The following OLA1 variants were observed in gnomAD, a reference collection of about 807,000 sequenced individuals.
OLA1 encodes Obg like ATPase 1.
OLA1 carries 14 observed loss-of-function variants against 48.4 expected under a neutral mutation model. The ratio of observed to expected loss-of-function variants is 0.29; its 90% CI spans 0.19 to 0.45. The LOEUF (loss-of-function observed/expected upper bound fraction) is 0.45, where lower values mean the gene tolerates loss of function less well. Ranked by LOEUF, OLA1 falls within the 20% of genes least tolerant of loss-of-function variation. The probability of loss-of-function intolerance (pLI) is 1.00; values close to 1 mark genes in which losing one functional copy is unlikely to be tolerated. For synonymous variants in OLA1, 127 were observed against 150.4 expected (o/e 0.84, Z 1.14); for missense variants, 325 against 467.1 (o/e 0.70, Z 2.80).
intron 4 of OLA1, among the ~76,000 whole-genome samples, chr2:174,189,881 AACACAC>A (rs1380034694): frequency 6.8e-6 from 1 of 147,002 alleles, no homozygotes; most frequent in African/African-American, 2.6e-5. Context: ...AAAAAAACAA[AACACAC>A]ACACACACAA....
rs992903369 is a variant in OLA1 at position 174,099,986 on chromosome 2, A to G, written c.729-17922T>C. Among the ~76,000 whole-genome samples, 14 of 152,260 alleles carry G rather than the reference A, an allele frequency of 9.2e-5. 1 individual carries two copies. The highest frequency in any genetic ancestry group is 3.4e-4 in the African/African-American group (14 of 41,470). On this transcript the variant is annotated intron_variant, in intron 7 of 10. Transcript: ENST00000284719. ...CACTATTTGTCTATCAAATTGGTAC[A>G]GATTAAAACAATAATAACAACCCAG...
At chr2:174,139,864 C>CAAAAAAAAAAAAAAA in intron 5 of OLA1, among the ~76,000 whole-genome samples, 1 of 76,962 alleles carries the variant, frequency 1.3e-5, no homozygotes, top group Non-Finnish European at 2.6e-5. Flanking sequence ...GACTCAGTCT[C>CAAAAAAAAAAAAAAA]AAAAAAAAAA....
chr2:174,147,195 G>C (rs908922284), intron 4 of OLA1, among the ~76,000 whole-genome samples: 1 of 152,140 alleles, frequency 6.6e-6, no homozygotes, highest in Non-Finnish European at 1.5e-5. Context: ...GGGAGGCCGA[G>C]GTGGGCGGAT....
At chr2:174,144,871 C>T (rs953187319) in intron 4 of OLA1, among the ~76,000 whole-genome samples, 6 of 140,438 alleles carry the variant, frequency 4.3e-5, no homozygotes, top group African/African-American at 8.1e-5. Context: ...TGCTTGAACC[C>T]GGGAGGTTGA....
At position 174,223,017 on chromosome 2, in the gene OLA1, A is replaced by G; in HGVS notation, c.373+16T>C. ...ATCTGAATGAAATCAATGATTAAATAAACAACTGTACTTACGTGTTAGATG... is the reference window on the plus strand; with the variant it reads ...ATCTGAATGAAATCAATGATTAAATGAACAACTGTACTTACGTGTTAGATG... On this transcript the variant is annotated intron_variant, in intron 4 of 10. Transcript: ENST00000284719. 1 of 1,589,648 alleles carries G rather than the reference A, an allele frequency of 6.3e-7. No individual in the cohort carries two copies. Among genetic ancestry groups the G allele is most frequent in the South Asian group, 1.1e-5 (1 of 87,558 alleles).
intron 7 of OLA1, among the ~76,000 whole-genome samples, chr2:174,099,420 C>T (rs2105351507): frequency 6.6e-6 from 1 of 152,286 alleles, no homozygotes; most frequent in African/African-American, 2.4e-5. Flanking sequence ...TCCTGAAGTG[C>T]TGGGGTTACA....
At chr2:174,239,594 T>C (rs544751031) in intron 2 of OLA1, among the ~76,000 whole-genome samples, 2 of 151,370 alleles carry the variant, frequency 1.3e-5, no homozygotes, top group African/African-American at 4.8e-5. Context: ...AACACTTAAA[T>C]GCAGCTGGGC....
chr2:174,120,496 T>A (rs961625122), intron 7 of OLA1, among the ~76,000 whole-genome samples: 3 of 152,192 alleles, frequency 2.0e-5, no homozygotes, highest in African/African-American at 7.2e-5. Context: ...ACATCTTGAT[T>A]ACTGTCATTT....
chr2:174,212,019 T>G (rs1401939477), intron 4 of OLA1, among the ~76,000 whole-genome samples: 2 of 152,196 alleles, frequency 1.3e-5, no homozygotes, highest in African/African-American at 4.8e-5. Context: ...GTGCTGTTTT[T>G]AGAGTCAGAC....
intron 7 of OLA1, among the ~76,000 whole-genome samples, chr2:174,117,366 TATA>T (rs773391762): frequency 6.6e-6 from 1 of 152,194 alleles, no homozygotes; most frequent in African/African-American, 2.4e-5. Flanking sequence ...AAGAGCTACT[TATA>T]GTAGCAAATA....
At chr2:174,093,093 C>G (rs1350480380) in intron 7 of OLA1, among the ~76,000 whole-genome samples, 1 of 152,182 alleles carries the variant, frequency 6.6e-6, no homozygotes, top group Non-Finnish European at 1.5e-5. Context: ...ATTTTTGAAA[C>G]TTTAAAGCAG....
At chr2:174,134,258 AT>A (rs929632184) in intron 5 of OLA1, among the ~76,000 whole-genome samples, 2 of 151,840 alleles carry the variant, frequency 1.3e-5, no homozygotes, top group Admixed American at 1.3e-4. Context: ...TGTCAAACTC[AT>A]TTTTTTTCTT....
In OLA1 at chr2:174,164,362, T is replaced by TAGTGCAGAATGGATACCATTCTGCAC. The variant is rs542417679; in HGVS notation, c.374-22363_374-22362insGTGCAGAATGGTATCCATTCTGCACT. On this transcript the variant is annotated intron_variant, in intron 4 of 10. Transcript: ENST00000284719. ...TGGCACTACGCAATACCATTCTGCA[T>TAGTGCAGAATGGATACCATTCTGCAC]AGTGCAGAATGGATACCATTCTGTT... 9.0e-3 allele frequency among the ~76,000 whole-genome samples: 1,373 copies of TAGTGCAGAATGGATACCATTCTGCAC among 151,908 alleles called. 74 individuals are homozygous for TAGTGCAGAATGGATACCATTCTGCAC. Among genetic ancestry groups the TAGTGCAGAATGGATACCATTCTGCAC allele is most frequent in the African/African-American group, 0.032 (1,300 of 41,218 alleles).
At chr2:174,161,091 T>C (rs1687000801) in intron 4 of OLA1, among the ~76,000 whole-genome samples, 1 of 152,190 alleles carries the variant, frequency 6.6e-6, no homozygotes, top group South Asian at 2.1e-4. Context: ...TTTTAAATAG[T>C]GCAGTTCATT....
chr2:174,078,713 A>G (rs1397577910), intron 10 of OLA1, among the ~76,000 whole-genome samples: 1 of 151,850 alleles, frequency 6.6e-6, no homozygotes, highest in African/African-American at 2.4e-5. Context: ...ACTTAAACCT[A>G]ATTTATTTTA....
intron 4 of OLA1, among the ~76,000 whole-genome samples, chr2:174,191,508 G>C (rs1687777363): frequency 6.6e-6 from 1 of 151,854 alleles, no homozygotes; most frequent in African/African-American, 2.4e-5. Context: ...AGGCTGGAGT[G>C]CAGAGGTGAA....
chr2:174,099,136 G>T (rs1444528065), intron 7 of OLA1, among the ~76,000 whole-genome samples: 2 of 151,894 alleles, frequency 1.3e-5, no homozygotes, highest in Non-Finnish European at 2.9e-5. Flanking sequence ...AAGCGTATTT[G>T]AGTTTGACTT....
chr2:174,077,650 G>T (rs954374990), intron 10 of OLA1, among the ~76,000 whole-genome samples: 2 of 151,886 alleles, frequency 1.3e-5, no homozygotes, highest in Admixed American at 6.6e-5. Flanking sequence ...ATATTATAAA[G>T]TTTCTCTCAA....
At chr2:174,161,104 T>G (rs1687001184) in intron 4 of OLA1, among the ~76,000 whole-genome samples, 1 of 152,202 alleles carries the variant, frequency 6.6e-6, no homozygotes, top group Non-Finnish European at 1.5e-5. Flanking sequence ...AGTTCATTTT[T>G]TAAATAAGAT....
Sources: gnomAD v4.1 joint callset for allele counts (sites outside exome capture counted in the v4.1 genomes callset) on GRCh38, gnomAD v4.1.1 for gene constraint, MANE v1.5 for transcripts, NCBI Gene and HGNC (gene_info 2026-07-23, HGNC 2026-07-21) for gene names.